ERLIN1: variants seen among roughly 807,000 people sequenced by gnomAD.
The protein encoded by ERLIN1 is ER lipid raft associated 1.
A neutral mutation model predicts 46.9 loss-of-function variants in ERLIN1; 24 were observed. That is an observed-to-expected ratio of 0.51 (90% CI 0.37 to 0.72). The LOEUF is 0.72. Ranked by LOEUF, ERLIN1 falls within the 30% of genes least tolerant of loss-of-function variation. The pLI, the probability that ERLIN1 is intolerant of heterozygous loss-of-function variation, is 0.00. For missense variants in ERLIN1, 293 were observed against 417.9 expected, an observed-to-expected ratio of 0.70 and a Z score of 2.61; for synonymous variants, 158 against 143.2, an observed-to-expected ratio of 1.10 and a Z score of -0.74.
intron 7 of ERLIN1, among the ~76,000 whole-genome samples, chr10:100,166,384 T>C (rs1422576493): frequency 6.6e-6 from 1 of 151,422 alleles, no homozygotes; most frequent in Non-Finnish European, 1.5e-5. Flanking sequence ...GCCGTGATTG[T>C]GCCACTGCAC....
At chr10:100,152,588 T>C (rs997844820) in intron 10 of ERLIN1, among the ~76,000 whole-genome samples, 2 of 152,204 alleles carry the variant, frequency 1.3e-5, no homozygotes, top group African/African-American at 4.8e-5. Flanking sequence ...CACTTTTTAA[T>C]AAAAGGATGG....
chr10:100,171,432 A>T (rs11190410), intron 6 of ERLIN1, among the ~76,000 whole-genome samples: 17,350 of 151,980 alleles, frequency 0.11, 1,364 homozygotes, highest in East Asian at 0.33. Flanking sequence ...ATTTATAGAC[A>T]GGGTTTTGCT....
In ERLIN1 at chr10:100,185,581, A is replaced by AC; in HGVS notation, c.45dup (p.Leu16ValfsTer14). ...GAGGCGTAGAGCAGGACAGCCACCA[A>AC]CCCCACCACTGCAGCCACCAGAACC... On this transcript the variant is annotated frameshift_variant, in exon 1 of 11. Coordinates refer to ENST00000421367, the MANE Select transcript of ERLIN1 (RefSeq NM_006459.4). LOFTEE classifies it high-confidence loss of function. 1.2e-6 allele frequency: 2 copies of AC among 1,613,558 alleles called. No individual in the cohort carries two copies. Among genetic ancestry groups the AC allele is most frequent in the Non-Finnish European group, 1.7e-6 (2 of 1,179,778 alleles).
chr10:100,185,778 C>A lies in ERLIN1; in HGVS notation c.-152G>T. On this transcript the variant is annotated 5_prime_UTR_variant, in exon 1 of 11. It adds an upstream start codon to the 5' untranslated region. Transcript: ENST00000421367. ...AGTACCCCTGTCCCCTCATTCTTCC[C>A]TTCTGGCTGAGCCCGCTGACCCCTT... 1 of 638,458 alleles carries A rather than the reference C, an allele frequency of 1.6e-6. No individual in the cohort carries two copies. Among genetic ancestry groups the A allele is most frequent in the South Asian group, 1.9e-5 (1 of 53,860 alleles). The allele number at this position is 638,458 out of a possible 1,614,324, so 39.5% of individuals were successfully genotyped here.
chr10:100,155,230 G>C (rs1433223381), intron 9 of ERLIN1, among the ~76,000 whole-genome samples: 1 of 152,040 alleles, frequency 6.6e-6, no homozygotes, highest in African/African-American at 2.4e-5. Context: ...ATTCCACCCA[G>C]GTACTAAGCT....
chr10:100,157,041 GAA>G (rs1424209047), intron 8 of ERLIN1, among the ~76,000 whole-genome samples: 1 of 152,012 alleles, frequency 6.6e-6, no homozygotes, highest in Non-Finnish European at 1.5e-5. Context: ...ACAAAAAAAA[GAA>G]AGACAAGAAG....
rs569480627 is a variant in ERLIN1 at position 100,163,003 on chromosome 10, T to C, written c.655+1001A>G. On this transcript the variant is annotated intron_variant, in intron 8 of 10. Transcript: ENST00000421367. ...TACCTAACTCCTCATTGGTAATTCATTACAATAAAACTAGGCCCGCTCATA... is the reference window on the plus strand; with the variant it reads ...TACCTAACTCCTCATTGGTAATTCACTACAATAAAACTAGGCCCGCTCATA... Among the ~76,000 whole-genome samples, 436 of 152,178 alleles carry C rather than the reference T, an allele frequency of 2.9e-3. 4 individuals carry two copies. Among genetic ancestry groups the C allele is most frequent in the African/African-American group, 0.01 (425 of 41,546 alleles).
In ERLIN1 at chr10:100,178,854, A is replaced by G. The variant is rs190824930; in HGVS notation, c.242+347T>C. Among the ~76,000 whole-genome samples the G allele has an allele frequency of 4.6e-5, 7 of 152,232 alleles. No individual in the cohort carries two copies. The East Asian group carries it at 1.4e-3, about 29-fold the overall frequency. On this transcript the variant is annotated intron_variant, in intron 3 of 10. Coordinates refer to ENST00000421367, the MANE Select transcript of ERLIN1 (RefSeq NM_006459.4). ...ATGTGTTGGGGAAAGAGGTATATAA[A>G]AACTGTCTGTACTTTTTGGTCAATT... is the stretch of plus-strand genomic sequence containing the variant.
chr10:100,175,074 G>C (rs1844213444), intron 5 of ERLIN1, among the ~76,000 whole-genome samples: 1 of 152,194 alleles, frequency 6.6e-6, no homozygotes, highest in Non-Finnish European at 1.5e-5. Flanking sequence ...GGAGGGAAAA[G>C]TGAGCTACCA....
At position 100,183,914 on chromosome 10, in the gene ERLIN1, TACTC is replaced by T. The variant is rs764229376; in HGVS notation, c.114-81_114-78del. ...TCCAAATCTAAAATGCTATAATAAA[TACTC>T]ACTCTTGCTCATGCTGCTGACCTAC... On this transcript the variant is annotated intron_variant, in intron 1 of 10. Transcript: ENST00000421367. The T allele has an allele frequency of 3.5e-4, 354 of 1,024,136 alleles. 1 individual carries two copies. The highest frequency in any genetic ancestry group is 2.3e-4 in the Non-Finnish European group (150 of 665,214). The allele number at this position is 1,024,136 out of a possible 1,614,324, so 63.4% of individuals were successfully genotyped here. A position where few individuals can be genotyped will look rare whatever the true frequency, so the allele number is the denominator to read the frequency against.
intron 4 of ERLIN1, 22 bp from the exon 5 acceptor site, chr10:100,176,092 T>C (rs1844282984): frequency 3.1e-6 from 5 of 1,599,886 alleles, no homozygotes; most frequent in Non-Finnish European, 3.4e-6. Context: ...GTACAACCCA[T>C]GTTTGTTTTA....
chr10:100,166,003 G>C (rs1843617168), intron 7 of ERLIN1, among the ~76,000 whole-genome samples: 2 of 152,146 alleles, frequency 1.3e-5, no homozygotes, highest in Non-Finnish European at 2.9e-5. Context: ...TATGATTATA[G>C]GCATAAGCCA....
Position 100,175,938 on chromosome 10 carries a change from C to T in ERLIN1, c.430+7G>A, listed in dbSNP as rs1464696306. ...CTATTTACATACATAAGAATTAAGA[C>T]ACTTACCAAACAATTCAATGTAAAC... On this transcript the variant is annotated splice_region_variant and intron_variant, in intron 5 of 10. Coordinates refer to ENST00000421367, the MANE Select transcript of ERLIN1 (RefSeq NM_006459.4). The T allele has an allele frequency of 3.1e-6, 5 of 1,611,268 alleles. No individual in the cohort carries two copies. In the African/African-American group the frequency reaches 6.7e-5, roughly 22 times the overall value.
At chr10:100,184,491 A>G (rs1844847523) in intron 1 of ERLIN1, among the ~76,000 whole-genome samples, 1 of 152,238 alleles carries the variant, frequency 6.6e-6, no homozygotes. Flanking sequence ...GGGAGCAAAG[A>G]AAACAAAGTC....
chr10:100,169,040 T>C (rs185725869), intron 6 of ERLIN1, among the ~76,000 whole-genome samples: 27 of 152,304 alleles, frequency 1.8e-4, no homozygotes, highest in Non-Finnish European at 3.1e-4. Flanking sequence ...ACATACTACA[T>C]TGTGCTTGCC....
rs904738778 is a variant in ERLIN1, at chr10:100,156,068, A to T, written c.745+77T>A. The T allele has an allele frequency of 3.0e-5, 26 of 877,464 alleles. No individual in the cohort carries two copies. The East Asian group carries it at 6.6e-4, about 22-fold the overall frequency. 54.4% of individuals were successfully genotyped at this position (877,464 alleles called of 1,614,324 possible). A position where few individuals can be genotyped will look rare whatever the true frequency, so the allele number is the denominator to read the frequency against. On this transcript the variant is annotated intron_variant, in intron 9 of 10. Transcript: ENST00000421367. Reference sequence around the variant, plus strand: ...TGTCTATGGCCTTCTCACCCACCACAATCAAAGGCCTGAACCCTGGAGCAG... The same window carrying T: ...TGTCTATGGCCTTCTCACCCACCACTATCAAAGGCCTGAACCCTGGAGCAG...
At chr10:100,172,716 T>G (rs373507579) in intron 6 of ERLIN1, among the ~76,000 whole-genome samples, 2 of 152,236 alleles carry the variant, frequency 1.3e-5, no homozygotes, top group East Asian at 1.9e-4. Flanking sequence ...CACATATTGC[T>G]GTTAAGAATG....
intron 2 of ERLIN1, among the ~76,000 whole-genome samples, chr10:100,182,836 T>C (rs1236919830): frequency 6.6e-6 from 1 of 152,096 alleles, no homozygotes; most frequent in Non-Finnish European, 1.5e-5. Flanking sequence ...AAAGAAGTGA[T>C]GGCATGAACT....
intron 9 of ERLIN1, among the ~76,000 whole-genome samples, chr10:100,155,704 C>T (rs1309120643): frequency 4.6e-5 from 7 of 151,898 alleles, no homozygotes; most frequent in African/African-American, 1.5e-4. Context: ...TTAGTAGAGA[C>T]GGGGTTTCAC....
Sources: gnomAD v4.1 joint callset for allele counts (sites outside exome capture counted in the v4.1 genomes callset) on GRCh38, gnomAD v4.1.1 for gene constraint, MANE v1.5 for transcripts, NCBI Gene and HGNC (gene_info 2026-07-23, HGNC 2026-07-21) for gene names.